The following ITGA8 variants were observed in gnomAD, a reference collection of about 807,000 sequenced individuals.
The protein encoded by ITGA8 is integrin alpha-8.
A neutral mutation model predicts 142.3 loss-of-function variants in ITGA8; 91 were observed. The ratio of observed to expected loss-of-function variants is 0.64; its 90% CI spans 0.54 to 0.76. The LOEUF is 0.76. Ranked by LOEUF, ITGA8 falls within the 30% of genes least tolerant of loss-of-function variation. The pLI, the probability that ITGA8 is intolerant of heterozygous loss-of-function variation, is 0.00. For synonymous variants in ITGA8, 505 were observed against 485.2 expected (o/e 1.04, Z -0.54); for missense variants, 1,406 against 1,327.7 (o/e 1.06, Z -0.92).
At chr10:15,659,644 A>G (rs923204570) in intron 9 of ITGA8, among the ~76,000 whole-genome samples, 1 of 152,242 alleles carries the variant, frequency 6.6e-6, no homozygotes, top group Non-Finnish European at 1.5e-5. Context: ...GAACATCAGA[A>G]TAAGACTTTA....
chr10:15,715,581 T>A (rs1835435436), intron 2 of ITGA8, among the ~76,000 whole-genome samples: 1 of 152,234 alleles, frequency 6.6e-6, no homozygotes. Context: ...GAATGAGTTT[T>A]ACATAGTTGT....
chr10:15,658,339 C>CT lies in ITGA8; in HGVS notation c.948+659dup, dbSNP rs1425955063. 7.2e-5 allele frequency among the ~76,000 whole-genome samples: 11 copies of CT among 152,164 alleles called. No individual in the cohort carries two copies. The South Asian group carries it at 2.3e-3, about 32-fold the overall frequency. ...ATCAAAACCTTCAGGCCTTTATAGACTATTGAAAGATTCATGTTAATACGA... is the reference window on the plus strand; with the variant it reads ...ATCAAAACCTTCAGGCCTTTATAGACTTATTGAAAGATTCATGTTAATACGA... On this transcript the variant is annotated intron_variant, in intron 10 of 29. Transcript: ENST00000378076.
chr10:15,517,878 C>T (rs1832992432), intron 29 of ITGA8, among the ~76,000 whole-genome samples: 1 of 152,208 alleles, frequency 6.6e-6, no homozygotes, highest in African/African-American at 2.4e-5. Context: ...CAAGGATTTC[C>T]CACATGCTTA....
chr10:15,597,438 C>T, intron 20 of ITGA8, 139 bp from the exon 21 acceptor site: 3 of 646,202 alleles, frequency 4.6e-6, no homozygotes, highest in Middle Eastern at 3.4e-4. Context: ...ATTGATGACC[C>T]TTAACTCAGA....
intron 13 of ITGA8, among the ~76,000 whole-genome samples, chr10:15,627,350 A>G (rs1588683995): frequency 6.6e-6 from 1 of 152,314 alleles, no homozygotes; most frequent in South Asian, 2.1e-4. Context: ...GGGGCTGAGC[A>G]TCCCCCAGAC....
chr10:15,675,169 A>T (rs1239843080), intron 6 of ITGA8, among the ~76,000 whole-genome samples: 1 of 152,214 alleles, frequency 6.6e-6, no homozygotes, highest in Non-Finnish European at 1.5e-5. Context: ...GAAAATTTAT[A>T]TTTCACTCTA....
chr10:15,702,613 A>T (rs756622146), intron 2 of ITGA8, among the ~76,000 whole-genome samples: 2 of 152,080 alleles, frequency 1.3e-5, no homozygotes, highest in Non-Finnish European at 2.9e-5. Flanking sequence ...TTGACCCCAC[A>T]GCCTGAGCTC....
chr10:15,576,824 C>T (rs1834306518), intron 23 of ITGA8, among the ~76,000 whole-genome samples: 2 of 152,210 alleles, frequency 1.3e-5, no homozygotes, highest in Non-Finnish European at 2.9e-5. Context: ...AGACAACCCA[C>T]AGAAATGTTG....
Position 15,620,827 on chromosome 10 carries a change from T to C in ITGA8, c.1400-4268A>G, listed in dbSNP as rs566421312. 3.3e-5 allele frequency among the ~76,000 whole-genome samples: 5 copies of C among 152,364 alleles called. No homozygotes were observed. The East Asian group carries it at 7.7e-4, about 24-fold the overall frequency. Reference sequence around the variant, plus strand: ...GTTTGTGTATGCAGCGTATCTGTTATATATCTGTTCTATTTATATACACAT... The same window carrying C: ...GTTTGTGTATGCAGCGTATCTGTTACATATCTGTTCTATTTATATACACAT... On this transcript the variant is annotated intron_variant, in intron 13 of 29. Transcript: ENST00000378076.
In ITGA8 at chr10:15,586,604, T is replaced by C. The variant is rs9333179; in HGVS notation, c.2352A>G (p.Val784=). The C allele has an allele frequency of 7.6e-4, 1,213 of 1,602,788 alleles. 15 individuals are homozygous for C. The African/African-American group carries it at 0.015, about 20-fold the overall frequency. Residue 784 remains valine, a synonymous_variant, in exon 23 of 30, where the codon GTA becomes GTG. Coordinates refer to ENST00000378076, the MANE Select transcript of ITGA8 (RefSeq NM_003638.3). ...CTTACCCTCTTATTTCCACCTGCGC[T>C]ACAGCAGTGATGTTGATTTGCAGGC... ...FVSLQINITA[V]AQVEIRGVSH... is the part of the protein sequence containing the mutation.
Position 15,655,409 on chromosome 10 carries a change from G to A in ITGA8, c.949-3C>T, listed in dbSNP as rs374936020. On this transcript the variant is annotated splice_polypyrimidine_tract_variant and splice_region_variant and intron_variant, in intron 10 of 29. Coordinates refer to ENST00000378076, the MANE Select transcript of ITGA8 (RefSeq NM_003638.3). ...GTATATCCAAAATAAGATGCCATCT[G>A]CAAAGGAAAATCAGGAGATGACATT... The A allele has an allele frequency of 5.6e-6, 9 of 1,607,134 alleles. No individual in the cohort carries two copies. The African/African-American group carries it at 9.4e-5, about 17-fold the overall frequency.
At chr10:15,688,087 A>G in intron 2 of ITGA8, 49 bp from the exon 3 acceptor site, 1 of 1,154,162 alleles carries the variant, frequency 8.7e-7, no homozygotes, top group Non-Finnish European at 1.3e-6. Flanking sequence ...TGTGGCAGCC[A>G]ATTAAAACAC....
At chr10:15,563,546 C>A (rs1409614396) in intron 25 of ITGA8, among the ~76,000 whole-genome samples, 1 of 152,150 alleles carries the variant, frequency 6.6e-6, no homozygotes, top group African/African-American at 2.4e-5. Flanking sequence ...AAGGGACTGA[C>A]TCTTTATTCC....
intron 26 of ITGA8, among the ~76,000 whole-genome samples, chr10:15,555,059 T>A (rs1397124487): frequency 2.0e-5 from 3 of 152,202 alleles, no homozygotes; most frequent in Non-Finnish European, 2.9e-5. Flanking sequence ...ATTATTTCAG[T>A]TTCATAAATG....
intron 12 of ITGA8, among the ~76,000 whole-genome samples, chr10:15,645,186 T>C (rs1052292011): frequency 5.9e-5 from 9 of 151,624 alleles, no homozygotes; most frequent in African/African-American, 2.2e-4. Flanking sequence ...AAAGGAACAC[T>C]TTCGACACTT....
intron 11 of ITGA8, among the ~76,000 whole-genome samples, chr10:15,648,333 G>T (rs1047627914): frequency 6.6e-6 from 1 of 151,708 alleles, no homozygotes; most frequent in African/African-American, 2.4e-5. Context: ...TGTAGATTAG[G>T]CAATATGCTG....
intron 6 of ITGA8, among the ~76,000 whole-genome samples, chr10:15,673,756 A>G (rs1365438135): frequency 6.6e-6 from 1 of 151,876 alleles, no homozygotes; most frequent in African/African-American, 2.4e-5. Flanking sequence ...AGGTCCAATG[A>G]GATCCAAAAT....
At chr10:15,525,791 G>A (rs528777424) in intron 28 of ITGA8, among the ~76,000 whole-genome samples, 1 of 151,108 alleles carries the variant, frequency 6.6e-6, no homozygotes, top group Admixed American at 6.6e-5. Context: ...TCTTTATTAT[G>A]AATCATGTAT....
At chr10:15,542,812 G>A (rs1833597843) in intron 27 of ITGA8, among the ~76,000 whole-genome samples, 1 of 152,174 alleles carries the variant, frequency 6.6e-6, no homozygotes, top group Non-Finnish European at 1.5e-5. Context: ...CCACAGGATT[G>A]CTGTAAGAAT....
Sources: allele counts gnomAD v4.1 joint callset (sites outside exome capture counted in the v4.1 genomes callset), GRCh38; gene constraint gnomAD v4.1.1; transcripts MANE v1.5; gene names NCBI Gene and HGNC (gene_info 2026-07-23, HGNC 2026-07-21).